Variants in STXBP6 observed in about 807,000 individuals in gnomAD.
STXBP6 encodes syntaxin binding protein 6, also known as syntaxin-binding protein 6.
Under a neutral mutation model 26.9 loss-of-function variants are expected in STXBP6, and 21 were observed. The observed-to-expected ratio is 0.78, with a 90% confidence interval of 0.55 to 1.12. The LOEUF is 1.12. Among genes scored for constraint, STXBP6 ranks in the 50% most tolerant of loss-of-function variants. STXBP6 has a pLI of 0.00. For synonymous variants in STXBP6, 97 were observed against 92.6 expected (o/e 1.05, Z -0.27); for missense variants, 232 against 257.9 (o/e 0.90, Z 0.69).
At chr14:24,908,128 C>T (rs2071447352) in intron 2 of STXBP6, among the ~76,000 whole-genome samples, 1 of 152,168 alleles carries the variant, frequency 6.6e-6, no homozygotes, top group African/African-American at 2.4e-5. Flanking sequence ...CTAATCCACA[C>T]CTCCTTAAGT....
chr14:24,882,020 T>C (rs9743469), intron 2 of STXBP6, among the ~76,000 whole-genome samples: 51,888 of 151,778 alleles, frequency 0.34, 9,089 homozygotes, highest in Admixed American at 0.47. Context: ...TCTTAACCTA[T>C]CTCAAGACCA....
chr14:24,884,285 T>C (rs2070487257), intron 2 of STXBP6, among the ~76,000 whole-genome samples: 1 of 152,200 alleles, frequency 6.6e-6, no homozygotes, highest in Non-Finnish European at 1.5e-5. Context: ...TCTTCAAATA[T>C]AGTTTTAAAG....
chr14:24,912,644 G>A (rs760301502), intron 2 of STXBP6, among the ~76,000 whole-genome samples: 8 of 152,166 alleles, frequency 5.3e-5, no homozygotes, highest in Non-Finnish European at 1.0e-4. Context: ...GGAGTGGCAA[G>A]AGGTACAAGT....
At chr14:24,863,245 G>A (rs1370700980) in intron 2 of STXBP6, among the ~76,000 whole-genome samples, 2 of 152,084 alleles carry the variant, frequency 1.3e-5, no homozygotes, top group Non-Finnish European at 2.9e-5. Context: ...TGGATACAGA[G>A]TGCTAACTGA....
chr14:25,008,514 C>G (rs1195714643), intron 1 of STXBP6, among the ~76,000 whole-genome samples: 1 of 152,110 alleles, frequency 6.6e-6, no homozygotes, highest in Non-Finnish European at 1.5e-5. Flanking sequence ...TCCAAATGTA[C>G]CTGATAAATT....
At chr14:24,871,665 T>C (rs972048865) in intron 2 of STXBP6, among the ~76,000 whole-genome samples, 1 of 152,166 alleles carries the variant, frequency 6.6e-6, no homozygotes, top group African/African-American at 2.4e-5. Context: ...CTGCATGGCG[T>C]TGCTGCTTTC....
At chr14:24,893,386 T>C (rs1393196179) in intron 2 of STXBP6, among the ~76,000 whole-genome samples, 1 of 152,162 alleles carries the variant, frequency 6.6e-6, no homozygotes, top group Admixed American at 6.5e-5. Context: ...ACACAAAAAT[T>C]AAGGAATTTG....
intron 1 of STXBP6, among the ~76,000 whole-genome samples, chr14:24,989,424 T>C (rs895213300): frequency 4.6e-5 from 7 of 152,194 alleles, no homozygotes; most frequent in East Asian, 3.8e-4. Context: ...GTCACAGCGA[T>C]TTGGGGGAAC....
chr14:24,974,331 C>G (rs1002474431), intron 2 of STXBP6, among the ~76,000 whole-genome samples: 1 of 152,344 alleles, frequency 6.6e-6, no homozygotes. Context: ...CAGATACCAG[C>G]AACTGTTCTA....
At chr14:24,875,826 G>A (rs1041485818) in intron 2 of STXBP6, among the ~76,000 whole-genome samples, 1 of 152,154 alleles carries the variant, frequency 6.6e-6, no homozygotes, top group African/African-American at 2.4e-5. Context: ...GGTGGCGGGA[G>A]GGGAAATGAG....
intron 2 of STXBP6, among the ~76,000 whole-genome samples, chr14:24,903,974 C>T (rs985249163): frequency 6.6e-6 from 1 of 152,168 alleles, no homozygotes; most frequent in Non-Finnish European, 1.5e-5. Context: ...TTCTTTGCTA[C>T]ATTTTAAGAG....
At chr14:25,000,354 T>C (rs536103175) in intron 1 of STXBP6, among the ~76,000 whole-genome samples, 3 of 149,896 alleles carry the variant, frequency 2.0e-5, no homozygotes, top group South Asian at 2.2e-4. Context: ...TGAGCCACCG[T>C]GCCTGGCCTT....
rs2073950722 is a variant in STXBP6, at chr14:24,973,227, A to G, written c.154+1438T>C. 2.0e-5 allele frequency among the ~76,000 whole-genome samples: 3 copies of G among 152,186 alleles called. No individual in the cohort carries two copies. In the South Asian group the frequency reaches 6.2e-4, roughly 31 times the overall value. On this transcript the variant is annotated intron_variant, in intron 2 of 5. Coordinates refer to ENST00000323944, the MANE Select transcript of STXBP6 (RefSeq NM_001394410.1). ...ACTAGATATTAATTGAGGCCCTAGA[A>G]TATGCCCGGCACTGCTTAGCGCACT...
chr14:24,897,409 CAAAA>C (rs34542483), intron 2 of STXBP6, among the ~76,000 whole-genome samples: 4 of 37,632 alleles, frequency 1.1e-4, no homozygotes, highest in African/African-American at 8.2e-5. Context: ...GACTCTGTCT[CAAAA>C]AAAAAAAAAA....
At chr14:24,875,063 G>C (rs1168401126) in intron 2 of STXBP6, among the ~76,000 whole-genome samples, 4 of 152,186 alleles carry the variant, frequency 2.6e-5, no homozygotes, top group African/African-American at 4.8e-5. Flanking sequence ...CATTAGCACT[G>C]ACTGCAGCTA....
At chr14:24,892,201 A>T (rs1241326896) in intron 2 of STXBP6, among the ~76,000 whole-genome samples, 1 of 149,698 alleles carries the variant, frequency 6.7e-6, no homozygotes, top group Non-Finnish European at 1.5e-5. Flanking sequence ...TGTATACATT[A>T]TTTTTTTTTT....
At chr14:25,025,996 A>G (rs2075342899) in intron 1 of STXBP6, among the ~76,000 whole-genome samples, 1 of 152,098 alleles carries the variant, frequency 6.6e-6, no homozygotes, top group African/African-American at 2.4e-5. Context: ...CCCTGATCAC[A>G]TTGTCTTCCG....
At chr14:24,876,960 C>A (rs1022870199) in intron 2 of STXBP6, among the ~76,000 whole-genome samples, 1 of 152,138 alleles carries the variant, frequency 6.6e-6, no homozygotes, top group South Asian at 2.1e-4. Context: ...CAGGGATTAT[C>A]AAAATATTTC....
intron 1 of STXBP6, among the ~76,000 whole-genome samples, chr14:24,996,569 A>T (rs1323411356): frequency 1.3e-5 from 2 of 152,122 alleles, no homozygotes; most frequent in African/African-American, 4.8e-5. Flanking sequence ...AATTAAAAAT[A>T]AAATTAAAAA....
Sources: allele counts gnomAD v4.1 joint callset (sites outside exome capture counted in the v4.1 genomes callset), GRCh38; gene constraint gnomAD v4.1.1; transcripts MANE v1.5; gene names NCBI Gene and HGNC (gene_info 2026-07-23, HGNC 2026-07-21).